Variants in NAV2 observed in about 807,000 individuals in gnomAD.
NAV2 encodes the protein neuron navigator 2, also known as helicase, APC down-regulated 1.
Under a neutral mutation model 223.2 loss-of-function variants are expected in NAV2, and 54 were observed. That is an observed-to-expected ratio of 0.24 (90% CI 0.19 to 0.30). NAV2 has a LOEUF of 0.30. Among genes scored for constraint, NAV2 ranks in the 10% least tolerant of loss-of-function variants. NAV2 has a pLI of 1.00. For missense variants in NAV2, 2,806 were observed against 3,147.5 expected, an observed-to-expected ratio of 0.89 and a Z score of 2.60; for synonymous variants, 1,279 against 1,239.3, an observed-to-expected ratio of 1.03 and a Z score of -0.67.
intron 4 of NAV2, 151 bp downstream of exon 4, chr11:19,869,148 C>T (rs1370404457): frequency 4.2e-6 from 3 of 708,568 alleles, no homozygotes; most frequent in Non-Finnish European, 7.0e-6. Flanking sequence ...GTTGCCTAGA[C>T]TTGAGGATGC....
chr11:19,546,013 G>A (rs926744428), intron 1 of NAV2, among the ~76,000 whole-genome samples: 7 of 152,244 alleles, frequency 4.6e-5, no homozygotes, highest in African/African-American at 1.7e-4. Context: ...GTAGGTTGGG[G>A]TAGGGGGTCT....
chr11:20,021,112 A>G (rs2054469623), intron 11 of NAV2, among the ~76,000 whole-genome samples: 1 of 152,188 alleles, frequency 6.6e-6, no homozygotes, highest in South Asian at 2.1e-4. Flanking sequence ...TTGACAAATC[A>G]CATCTTCTTC....
At chr11:19,436,861 A>G (rs1487740902) in intron 1 of NAV2, among the ~76,000 whole-genome samples, 3 of 152,056 alleles carry the variant, frequency 2.0e-5, no homozygotes, top group African/African-American at 7.2e-5. Context: ...GATTGTTTTC[A>G]TAATTTCTTT....
intron 1 of NAV2, among the ~76,000 whole-genome samples, chr11:19,484,413 A>C (rs983761595): frequency 6.6e-6 from 1 of 152,168 alleles, no homozygotes; most frequent in African/African-American, 2.4e-5. Flanking sequence ...TCTTCTTAGG[A>C]ATCATATATT....
intron 11 of NAV2, among the ~76,000 whole-genome samples, chr11:20,030,259 G>C (rs1475005665): frequency 6.6e-6 from 1 of 151,968 alleles, no homozygotes; most frequent in African/African-American, 2.4e-5. Flanking sequence ...TGCCATCGTG[G>C]GTTCATTTAT....
Position 19,805,326 on chromosome 11 carries a change from A to T in NAV2, c.268-27158A>T, listed in dbSNP as rs78217605. 2.9e-3 allele frequency among the ~76,000 whole-genome samples: 448 copies of T among 152,112 alleles called. 2 individuals are homozygous for T. Among genetic ancestry groups the T allele is most frequent in the African/African-American group, 0.01 (431 of 41,480 alleles). On this transcript the variant is annotated intron_variant, in intron 1 of 37. Transcript: ENST00000349880. ...CTTATTTTTAGTTTTTGTCACTTTT[A>T]TTAACAGTTTCTCCACTGTCACAGG...
chr11:20,062,556 G>T (rs1422413498), intron 20 of NAV2, among the ~76,000 whole-genome samples, 197 bp downstream of exon 20: 2 of 152,180 alleles, frequency 1.3e-5, no homozygotes, highest in Non-Finnish European at 2.9e-5. Flanking sequence ...TCCAGAACTG[G>T]CTGCCTTGTT....
intron 1 of NAV2, among the ~76,000 whole-genome samples, chr11:19,522,056 T>G (rs1446851221): frequency 6.6e-6 from 1 of 152,190 alleles, no homozygotes; most frequent in East Asian, 1.9e-4. Context: ...CATTTTTGTT[T>G]GTAAAGTGAG....
At chr11:19,434,109 CAAA>C (rs34790501) in intron 1 of NAV2, among the ~76,000 whole-genome samples, 3 of 146,780 alleles carry the variant, frequency 2.0e-5, no homozygotes, top group Admixed American at 6.8e-5. Flanking sequence ...GAAAATGAGC[CAAA>C]AAAAAAAAAG....
At chr11:19,589,702 C>T (rs2046002182) in intron 1 of NAV2, among the ~76,000 whole-genome samples, 1 of 152,148 alleles carries the variant, frequency 6.6e-6, no homozygotes, top group African/African-American at 2.4e-5. Flanking sequence ...AGCCACAGCC[C>T]CTTTCAGAAT....
chr11:19,797,025 A>G (rs181718096), intron 1 of NAV2, among the ~76,000 whole-genome samples: 11 of 152,200 alleles, frequency 7.2e-5, no homozygotes, highest in Admixed American at 5.9e-4. Flanking sequence ...CAGGCTAAGG[A>G]TGCTGAACTT....
intron 1 of NAV2, among the ~76,000 whole-genome samples, chr11:19,410,300 G>C (rs899091303): frequency 6.6e-6 from 1 of 152,138 alleles, no homozygotes; most frequent in African/African-American, 2.4e-5. Flanking sequence ...TGACTCTGCT[G>C]GTTTCCATCT....
At chr11:19,996,897 C>T (rs1224836637) in intron 11 of NAV2, among the ~76,000 whole-genome samples, 1 of 152,064 alleles carries the variant, frequency 6.6e-6, no homozygotes, top group African/African-American at 2.4e-5. Flanking sequence ...TAAATGGGGA[C>T]AGAGGGAAAT....
At chr11:19,946,795 A>G (rs1402851636) in intron 9 of NAV2, among the ~76,000 whole-genome samples, 1 of 152,234 alleles carries the variant, frequency 6.6e-6, no homozygotes, top group Non-Finnish European at 1.5e-5. Context: ...CATTTTCTAT[A>G]ACTGTCTGGT....
chr11:19,407,823 G>A (rs553504618), intron 1 of NAV2, among the ~76,000 whole-genome samples: 4 of 152,186 alleles, frequency 2.6e-5, no homozygotes, highest in African/African-American at 9.6e-5. Context: ...CGGTGCTCCC[G>A]TTCTCCGGCT....
chr11:19,517,126 A>G (rs1303416373), intron 1 of NAV2, among the ~76,000 whole-genome samples: 1 of 152,080 alleles, frequency 6.6e-6, no homozygotes, highest in African/African-American at 2.4e-5. Flanking sequence ...TAGTAGAAGG[A>G]ATCACTGCTA....
chr11:19,838,971 C>T (rs1355724888), intron 2 of NAV2, among the ~76,000 whole-genome samples: 2 of 152,314 alleles, frequency 1.3e-5, no homozygotes, highest in East Asian at 1.9e-4. Context: ...CTATCCCAGA[C>T]ACCCCTGGAG....
In NAV2 at chr11:19,458,899, C is replaced by T. The variant is rs1852053151; in HGVS notation, c.75+107872C>T. 2.0e-5 allele frequency among the ~76,000 whole-genome samples: 3 copies of T among 152,350 alleles called. No homozygotes were observed. The South Asian group carries it at 6.2e-4, about 32-fold the overall frequency. ...TGTGGATTCAAATCCCAATCTGCCA[C>T]CAACTACCTGTGAGACTGTGCAGGC... On this transcript the variant is annotated intron_variant, in intron 1 of 37. Transcript: ENST00000360655.
intron 1 of NAV2, chr11:19,777,841 A>G: frequency 4.4e-6 from 2 of 455,576 alleles, no homozygotes; most frequent in South Asian, 3.1e-5. Context: ...TCCTACGAGC[A>G]TGTCTGCGCC....
Sources: allele counts gnomAD v4.1 joint callset (sites outside exome capture counted in the v4.1 genomes callset), GRCh38; gene constraint gnomAD v4.1.1; transcripts MANE v1.5; gene names NCBI Gene and HGNC (gene_info 2026-07-23, HGNC 2026-07-21).